Variants in PIBF1 observed in about 807,000 individuals in gnomAD.
PIBF1 encodes progesterone immunomodulatory binding factor 1.
Under a neutral mutation model 112.5 loss-of-function variants are expected in PIBF1, and 90 were observed. The ratio of observed to expected loss-of-function variants is 0.80; its 90% confidence interval spans 0.67 to 0.95. The LOEUF is 0.95. Ranked by LOEUF, PIBF1 falls within the 40% of genes least tolerant of loss-of-function variation. The pLI is 0.00. For missense variants in PIBF1, 915 were observed against 852.3 expected (o/e 1.07, Z -0.92); for synonymous variants, 301 against 288.6 (o/e 1.04, Z -0.44).
chr13:72,948,550 G>A (rs1000155688), intron 14 of PIBF1, among the ~76,000 whole-genome samples: 4 of 152,094 alleles, frequency 2.6e-5, no homozygotes, highest in Non-Finnish European at 4.4e-5. Context: ...CCTGTTACTC[G>A]GTTCCAAAGT....
Position 72,908,684 on chromosome 13 carries a change from A to G in PIBF1, c.1639+3A>G, listed in dbSNP as rs1346383042. ...AATAATAATGCAAACTGCAGAAAGT[A>G]AGTCTTCCCCCACACACACATGCAC... On this transcript the variant is annotated splice_donor_region_variant and intron_variant, in intron 12 of 17. Coordinates refer to ENST00000326291, the MANE Select transcript of PIBF1 (RefSeq NM_006346.4). 3 of 1,609,950 alleles carry G rather than the reference A, an allele frequency of 1.9e-6. No individual in the cohort carries two copies. In the South Asian group the frequency reaches 3.3e-5, roughly 18 times the overall value.
At chr13:72,980,002 G>A (rs897656562) in intron 16 of PIBF1, among the ~76,000 whole-genome samples, 2 of 152,142 alleles carry the variant, frequency 1.3e-5, no homozygotes, top group African/African-American at 4.8e-5. Context: ...GATGAAGAGA[G>A]GAGGGATGAG....
At chr13:73,010,287 G>T (rs995644100) in intron 17 of PIBF1, among the ~76,000 whole-genome samples, 2 of 132,668 alleles carry the variant, frequency 1.5e-5, no homozygotes, top group Admixed American at 8.8e-5. Flanking sequence ...TTCATTACCC[G>T]TGGGTTGGGA....
intron 17 of PIBF1, among the ~76,000 whole-genome samples, chr13:73,003,875 A>G (rs1044415467): frequency 1.3e-5 from 2 of 151,670 alleles, no homozygotes; most frequent in Non-Finnish European, 1.5e-5. Flanking sequence ...ACACCCAGCT[A>G]TTTTTCTTTA....
intron 16 of PIBF1, among the ~76,000 whole-genome samples, chr13:72,996,920 T>C (rs1399937026): frequency 6.6e-6 from 1 of 152,224 alleles, no homozygotes; most frequent in Non-Finnish European, 1.5e-5. Context: ...ATAAGAATTT[T>C]ACAGAATTTT....
At chr13:72,853,192 T>A (rs2038252296) in intron 9 of PIBF1, among the ~76,000 whole-genome samples, 1 of 152,174 alleles carries the variant, frequency 6.6e-6, no homozygotes, top group Admixed American at 6.5e-5. Flanking sequence ...ATCTCCCAGT[T>A]AGTCATTGTT....
chr13:72,843,297 C>A (rs558017266), intron 9 of PIBF1, among the ~76,000 whole-genome samples: 1 of 152,146 alleles, frequency 6.6e-6, no homozygotes, highest in African/African-American at 2.4e-5. Context: ...TTAAAGAATA[C>A]GTAGGAGAAT....
intron 12 of PIBF1, among the ~76,000 whole-genome samples, chr13:72,913,453 A>G (rs1594183140): frequency 6.6e-6 from 1 of 152,148 alleles, no homozygotes; most frequent in Non-Finnish European, 1.5e-5. Context: ...GGATATATGT[A>G]TAATAAACAC....
chr13:72,849,525 A>T (rs17209721), intron 9 of PIBF1, among the ~76,000 whole-genome samples: 1 of 152,128 alleles, frequency 6.6e-6, no homozygotes, highest in Non-Finnish European at 1.5e-5. Context: ...CTGTGGAAGG[A>T]ATACATCTAG....
At chr13:72,962,285 GA>G in intron 14 of PIBF1, among the ~76,000 whole-genome samples, 1 of 152,104 alleles carries the variant, frequency 6.6e-6, no homozygotes, top group East Asian at 1.9e-4. Flanking sequence ...AGGAAATTAA[GA>G]AAACAATTCC....
At chr13:72,906,617 A>G (rs940866047) in intron 11 of PIBF1, among the ~76,000 whole-genome samples, 3 of 152,156 alleles carry the variant, frequency 2.0e-5, no homozygotes, top group African/African-American at 7.2e-5. Flanking sequence ...TACTAGAGGT[A>G]TTGGGAGATA....
At chr13:72,917,015 T>C in intron 12 of PIBF1, 61 bp from the exon 13 acceptor site, 1 of 1,074,802 alleles carries the variant, frequency 9.3e-7, no homozygotes, top group Non-Finnish European at 1.3e-6. Context: ...TTTTCACTTC[T>C]GCCATCTTTT....
chr13:72,847,488 T>A (rs1382591216), intron 9 of PIBF1, among the ~76,000 whole-genome samples: 1 of 152,216 alleles, frequency 6.6e-6, no homozygotes, highest in East Asian at 1.9e-4. Context: ...CACCCTTTTA[T>A]AATGGCACCA....
At chr13:72,790,554 GATA>G (rs1566272132) in intron 2 of PIBF1, among the ~76,000 whole-genome samples, 72 of 130,912 alleles carry the variant, frequency 5.5e-4, no homozygotes, top group African/African-American at 1.7e-3. Flanking sequence ...TAGATAGATA[GATA>G]GATAGATAAA....
chr13:72,905,333 T>C (rs2040665853), intron 11 of PIBF1, among the ~76,000 whole-genome samples: 1 of 152,178 alleles, frequency 6.6e-6, no homozygotes, highest in South Asian at 2.1e-4. Flanking sequence ...CCCAAAGTGC[T>C]GGGATTACCG....
intron 5 of PIBF1, among the ~76,000 whole-genome samples, chr13:72,801,864 G>A (rs2035494337): frequency 6.6e-6 from 1 of 152,142 alleles, no homozygotes; most frequent in African/African-American, 2.4e-5. Context: ...AAGCAGCAGA[G>A]AAAATTTATG....
Position 72,783,708 on chromosome 13 carries a change from AT to A in PIBF1, c.241del (p.Tyr81IlefsTer22), listed in dbSNP as rs1566262354. ...ATGATGATCGACAATTTGAAAGTGG[AT>A]TATCTTACAAAGGTAAGATCAGGTT... The part of the protein sequence containing the change: ...KTMMIDNLKV[D>X]YLTKIEELEE... On this transcript the variant is annotated frameshift_variant, in exon 2 of 18. Transcript: ENST00000326291. LOFTEE classifies it high-confidence loss of function. 2 of 1,613,830 alleles carry A rather than the reference AT, an allele frequency of 1.2e-6. No homozygotes were observed. The highest frequency in any genetic ancestry group is 1.7e-6 in the Non-Finnish European group (2 of 1,179,758).
chr13:72,815,097 T>C (rs1593957483), intron 5 of PIBF1, among the ~76,000 whole-genome samples: 4 of 152,206 alleles, frequency 2.6e-5, no homozygotes, highest in African/African-American at 9.7e-5. Flanking sequence ...ATACCCACTA[T>C]TGAAAAAGAA....
chr13:72,898,533 G>A (rs1297672417), intron 11 of PIBF1, among the ~76,000 whole-genome samples: 2 of 151,900 alleles, frequency 1.3e-5, no homozygotes, highest in African/African-American at 4.8e-5. Flanking sequence ...TCTTTGAAAA[G>A]ATAAATAAAA....
Sources: gnomAD v4.1 joint callset for allele counts (sites outside exome capture counted in the v4.1 genomes callset) on GRCh38, gnomAD v4.1.1 for gene constraint, MANE v1.5 for transcripts, NCBI Gene and HGNC (gene_info 2026-07-23, HGNC 2026-07-21) for gene names.